TULP4: variants seen among roughly 807,000 people sequenced by gnomAD.
TULP4 encodes TUB like protein 4, also known as tubby-related protein 4.
A neutral mutation model predicts 129.0 loss-of-function variants in TULP4; 16 were observed. That is an observed-to-expected ratio of 0.12 (90% CI 0.08 to 0.19). TULP4 has a LOEUF of 0.19. Among genes scored for constraint, TULP4 ranks in the 10% least tolerant of loss-of-function variants. The pLI is 1.00. For missense variants in TULP4, 1,842 were observed against 2,059.1 expected, an observed-to-expected ratio of 0.89 and a Z score of 2.04; for synonymous variants, 998 against 854.0, an observed-to-expected ratio of 1.17 and a Z score of -2.94.
chr6:158,503,758 G>C lies in TULP4; in HGVS notation c.4095G>C (p.Leu1365Phe), dbSNP rs778237585. Residue 1365 changes from leucine (L) to phenylalanine (F), a missense_variant, in exon 13 of 14, where the codon TTG becomes TTC. Physicochemically the swap from Leu to Phe is conservative, Grantham distance 22. Transcript: ENST00000367097. This position sits in a 1 kb window ranked among gnomAD's most constrained non-coding sequence, Gnocchi z 4.3. ...AAGTGAAGAAGGAGGCTAGGACTTTGAGTGACTTTAATTCCCTAATCTCCA... is the reference window on the plus strand; with the variant it reads ...AAGTGAAGAAGGAGGCTAGGACTTTCAGTGACTTTAATTCCCTAATCTCCA... ...EGKVKKEARTLSDFNSLISSP... is the reference protein window; with the variant it reads ...EGKVKKEARTFSDFNSLISSP... 1.3e-5 allele frequency: 21 copies of C among 1,614,146 alleles called. No individual in the cohort carries two copies. The South Asian group carries it at 2.2e-4, about 17-fold the overall frequency.
At chr6:158,469,126 G>C (rs939774548) in intron 6 of TULP4, among the ~76,000 whole-genome samples, 2 of 152,186 alleles carry the variant, frequency 1.3e-5, no homozygotes, top group African/African-American at 4.8e-5. Context: ...TGACGTCAGT[G>C]TTATTATCTC....
chr6:158,395,680 C>T (rs1777698972), intron 1 of TULP4, among the ~76,000 whole-genome samples: 1 of 70,996 alleles, frequency 1.4e-5, no homozygotes, highest in African/African-American at 5.7e-5. Flanking sequence ...GGGGGGGGGT[C>T]ATGGCAGAAG....
At chr6:158,246,305 C>T (rs867295305) in intron 1 of TULP4, among the ~76,000 whole-genome samples, 2 of 151,676 alleles carry the variant, frequency 1.3e-5, no homozygotes, top group Non-Finnish European at 2.9e-5. Context: ...ATCGAGACCA[C>T]GGTGAAACCC....
chr6:158,238,300 C>G (rs7741588), intron 1 of TULP4: 504,150 of 1,040,998 alleles, frequency 0.48, 140,790 homozygotes, highest in Non-Finnish European at 0.54. Context: ...GAGCTGGGCA[C>G]CTTGGGTTAA....
chr6:158,308,027 C>A (rs553679281), upstream of TULP4, among the ~76,000 whole-genome samples: 55 of 147,842 alleles, frequency 3.7e-4, no homozygotes, highest in African/African-American at 1.3e-3. Context: ...TTTTATTGAT[C>A]ATTCTTGGGT....
At chr6:158,308,850 T>A (rs543462606), upstream of TULP4, among the ~76,000 whole-genome samples, 52 of 71,234 alleles carry the variant, frequency 7.3e-4, no homozygotes, top group African/African-American at 2.8e-3. Flanking sequence ...AGGCGCCCCT[T>A]ACCTCCCGGA....
chr6:158,498,528 C>A, intron 11 of TULP4, 141 bp from the exon 12 acceptor site: 1 of 1,007,390 alleles, frequency 9.9e-7, no homozygotes, highest in Non-Finnish European at 1.5e-6. Context: ...GAGCTCCTCT[C>A]AGCCTCTGGG....
chr6:158,490,859 T>C (rs1369451596), intron 9 of TULP4, among the ~76,000 whole-genome samples: 2 of 152,204 alleles, frequency 1.3e-5, no homozygotes, highest in Non-Finnish European at 2.9e-5. Flanking sequence ...GTAGTTTGTT[T>C]TTCTTTATTG....
chr6:158,469,398 C>T (rs908378144), intron 6 of TULP4, among the ~76,000 whole-genome samples: 6 of 151,938 alleles, frequency 3.9e-5, no homozygotes, highest in African/African-American at 7.3e-5. Flanking sequence ...CTCTGTCTCC[C>T]GAGTAGCTGG....
chr6:158,343,715 T>A (rs1023787401), intron 1 of TULP4, among the ~76,000 whole-genome samples: 2 of 152,212 alleles, frequency 1.3e-5, no homozygotes, highest in African/African-American at 4.8e-5. Flanking sequence ...TAGTCTGTGG[T>A]ACTTTGCTAT....
At chr6:158,290,668 A>G (rs1008777712) in intron 1 of TULP4, among the ~76,000 whole-genome samples, 2 of 152,156 alleles carry the variant, frequency 1.3e-5, no homozygotes, top group Admixed American at 1.3e-4. Context: ...TTTAAATTTT[A>G]CCATGCTTAC....
intron 1 of TULP4, among the ~76,000 whole-genome samples, chr6:158,264,247 T>C (rs1466166822): frequency 6.6e-6 from 1 of 152,186 alleles, no homozygotes; most frequent in Non-Finnish European, 1.5e-5. Flanking sequence ...CAGAGGTTTT[T>C]ACGGGCTCTG....
chr6:158,392,790 A>ATTTC (rs1777614398), intron 1 of TULP4, among the ~76,000 whole-genome samples: 6 of 38,630 alleles, frequency 1.6e-4, no homozygotes, highest in Admixed American at 2.5e-4. Flanking sequence ...TTAAATTTGT[A>ATTTC]TTTCTTTTTT....
In TULP4 at chr6:158,503,414, T is replaced by C. The variant is rs1780518265; in HGVS notation, c.3751T>C (p.Ser1251Pro). The C allele has an allele frequency of 2.5e-6, 4 of 1,613,742 alleles. No individual in the cohort carries two copies. The highest frequency in any genetic ancestry group is 2.7e-5 in the African/African-American group (2 of 74,832). Residue 1251 changes from serine (S) to proline (P), a missense_variant, in exon 13 of 14, where the codon TCT becomes CCT. By Grantham distance (74) the Ser-to-Pro change is moderately conservative (BLOSUM62 -1). This residue lies in a region of TULP4 where 1,089 missense variants were observed against 987.1 expected (regional missense o/e 1.10). Coordinates refer to ENST00000367097, the MANE Select transcript of TULP4 (RefSeq NM_020245.5). This position sits in a 1 kb window ranked among gnomAD's most constrained non-coding sequence, Gnocchi z 4.3. ...PPMYPGSSTC[S>P]SLQLPPVALH... is the part of the protein sequence containing the mutation. ...CATGTACCCAGGAAGCAGCACGTGC[T>C]CTAGTTTACAGCTGCCACCTGTCGC...
Position 158,448,984 on chromosome 6 carries a change from C to A in TULP4, c.544-12C>A, listed in dbSNP as rs765709618. On this transcript the variant is annotated splice_polypyrimidine_tract_variant and intron_variant, in intron 3 of 13. Transcript: ENST00000367097. ...CTGCCACTTGGTCAGAGGTCCCCATCCTGGATTGCAGGTGCTGTTTGGCAC... is the reference window on the plus strand; with the variant it reads ...CTGCCACTTGGTCAGAGGTCCCCATACTGGATTGCAGGTGCTGTTTGGCAC... The A allele has an allele frequency of 1.3e-6, 2 of 1,598,288 alleles. No individual in the cohort carries two copies. Among genetic ancestry groups the A allele is most frequent in the African/African-American group, 2.7e-5 (2 of 74,758 alleles).
At chr6:158,444,047 G>C (rs577218089) in intron 3 of TULP4, among the ~76,000 whole-genome samples, 8 of 151,014 alleles carry the variant, frequency 5.3e-5, no homozygotes, top group South Asian at 2.1e-4. Context: ...GTGAAACCCC[G>C]TCTCTACTAA....
chr6:158,461,124 T>C (rs951790632), intron 5 of TULP4, among the ~76,000 whole-genome samples: 6 of 152,212 alleles, frequency 3.9e-5, no homozygotes, highest in South Asian at 2.1e-4. Flanking sequence ...AAAACATGAA[T>C]ATATGGGCTG....
rs770140661 is a variant in TULP4, at chr6:158,502,730, G to A, written c.3067G>A (p.Val1023Met). 1.9e-6 allele frequency: 3 copies of A among 1,573,340 alleles called. No homozygotes were observed. The highest frequency in any genetic ancestry group is 2.3e-5 in the East Asian group (1 of 44,328). Residue 1023 changes from valine to methionine, a missense_variant, in exon 13 of 14, where the codon GTG becomes ATG. Val to Met is a conservative substitution (Grantham distance 21). Transcript: ENST00000367097. ...AKSKGGPGGV[V>M]TQLPARPPPA... ...GTCCAAGGGCGGGCCCGGGGGGGTG[G>A]TGACACAGCTCCCAGCGCGGCCCCC...
At chr6:158,391,843 T>C (rs1188719339) in intron 1 of TULP4, among the ~76,000 whole-genome samples, 1 of 151,948 alleles carries the variant, frequency 6.6e-6, no homozygotes, top group Admixed American at 6.5e-5. Context: ...CTCTAGTGGC[T>C]AAGCATGCTT....
Sources: allele counts gnomAD v4.1 joint callset (sites outside exome capture counted in the v4.1 genomes callset), GRCh38; gene constraint gnomAD v4.1.1; regional missense constraint gnomAD v4.1.1; non-coding constraint Gnocchi (gnomAD v3.1); transcripts MANE v1.5; gene names NCBI Gene and HGNC (gene_info 2026-07-23, HGNC 2026-07-21).